Variants in RNF17 observed in about 807,000 individuals in gnomAD.
RNF17 encodes spermatogenesis associated 23.
In RNF17, 31 loss-of-function variants were observed where a neutral mutation model predicts 200.5. That is an observed-to-expected ratio of 0.15 (90% CI 0.12 to 0.21). The LOEUF (loss-of-function observed/expected upper bound fraction) is 0.21. Ranked by LOEUF, RNF17 falls within the 10% of genes least tolerant of loss-of-function variation. The probability of loss-of-function intolerance (pLI) is 1.00; values close to 1 mark genes in which losing one functional copy is unlikely to be tolerated. For missense variants in RNF17, 1,628 were observed against 1,905.1 expected (o/e 0.85, Z 2.71); for synonymous variants, 606 against 637.8 (o/e 0.95, Z 0.75).
chr13:24,884,730 C>A (rs1953962224), downstream of RNF17, among the ~76,000 whole-genome samples: 1 of 152,190 alleles, frequency 6.6e-6, no homozygotes, highest in African/African-American at 2.4e-5. Context: ...ACAGGAAAGT[C>A]TAACTACTGC....
rs192062400 is a variant in RNF17, at chr13:24,858,018, G to A, written c.3611-983G>A. The stretch of plus-strand genomic sequence containing the variant: ...ATTCAGGTCCCTCATGAGATCTTTA[G>A]GCTTATGTGCAAATGCTGCAAATGC... On this transcript the variant is annotated intron_variant, in intron 25 of 35. Coordinates refer to ENST00000255324, the MANE Select transcript of RNF17 (RefSeq NM_031277.3). Among the ~76,000 whole-genome samples the A allele has an allele frequency of 3.3e-5, 5 of 151,782 alleles. No homozygotes were observed. In the East Asian group the frequency reaches 9.6e-4, roughly 29 times the overall value.
At chr13:24,881,875 TATATAG>T (rs1291120571), downstream of RNF17, among the ~76,000 whole-genome samples, 1 of 130,396 alleles carries the variant, frequency 7.7e-6, no homozygotes, top group Non-Finnish European at 1.7e-5. Context: ...TAGATACATC[TATATAG>T]ATATATAGAT....
At chr13:24,799,692 C>T (rs1265734861) in intron 12 of RNF17, 108 bp downstream of exon 12, 1 of 672,224 alleles carries the variant, frequency 1.5e-6, no homozygotes, top group Non-Finnish European at 2.5e-6. Context: ...ATTTGTCATT[C>T]TTAACTTCCA....
At chr13:24,842,981 TGTC>T (rs1890818272) in intron 19 of RNF17, among the ~76,000 whole-genome samples, 1 of 150,006 alleles carries the variant, frequency 6.7e-6, no homozygotes, top group African/African-American at 2.5e-5. Context: ...AGCAAGACTC[TGTC>T]TAAAAAAAAA....
At chr13:24,886,139 C>T in the RNF17 span, 43 of 436,776 alleles carry the variant, frequency 9.8e-5, no homozygotes, top group Middle Eastern at 5.1e-4. Context: ...CACGCCCCCA[C>T]CAACAACAAA....
Position 24,853,948 on chromosome 13 carries a change from A to G in RNF17, c.3414A>G (p.Lys1138=). The G allele has an allele frequency of 6.2e-7, 1 of 1,614,080 alleles. No individual in the cohort carries two copies. The highest frequency in any genetic ancestry group is 8.5e-7 in the Non-Finnish European group (1 of 1,179,962). The change falls in exon 25 of 36, where the codon AAA becomes AAG. Residue 1138 remains lysine (K), a synonymous_variant. Transcript: ENST00000255324. The part of the protein sequence containing the change: ...QEDSVVTNCI[K]TNFDPDKKTA... ...ATTCAGTAGTTACTAACTGTATTAA[A>G]ACTAACTTTGACCCTGACAAGAAAA... is the stretch of plus-strand genomic sequence containing the variant.
intron 31 of RNF17, among the ~76,000 whole-genome samples, chr13:24,869,026 C>T (rs1034631623): frequency 6.6e-6 from 1 of 152,206 alleles, no homozygotes; most frequent in African/African-American, 2.4e-5. Flanking sequence ...GCTTCCCTTC[C>T]TCTTCCTGCA....
chr13:24,749,699 G>A, the RNF17 span, among the ~76,000 whole-genome samples: 2 of 152,142 alleles, frequency 1.3e-5, no homozygotes, highest in Non-Finnish European at 2.9e-5. Flanking sequence ...AAAAGGATGA[G>A]AAGAAATGCT....
At chr13:24,856,611 C>G (rs1176741818) in intron 25 of RNF17, among the ~76,000 whole-genome samples, 1 of 152,088 alleles carries the variant, frequency 6.6e-6, no homozygotes, top group Non-Finnish European at 1.5e-5. Flanking sequence ...CCTAGCTCAT[C>G]GGCTTATACT....
At position 24,832,996 on chromosome 13, in the gene RNF17, T is replaced by A. The variant is rs188792924; in HGVS notation, c.2482+1018T>A. 5.3e-5 allele frequency among the ~76,000 whole-genome samples: 8 copies of A among 152,302 alleles called. 1 individual carries two copies. Among genetic ancestry groups the A allele is most frequent in the Admixed American group, 5.2e-4 (8 of 15,298 alleles). ...CTTGGGCTCAAGCGATCCTCCCTCC[T>A]CGGCCTCCCAAAGTTCTGGGATTAC... is the stretch of plus-strand genomic sequence containing the variant. On this transcript the variant is annotated intron_variant, in intron 18 of 35. Coordinates refer to ENST00000255324, the MANE Select transcript of RNF17 (RefSeq NM_031277.3).
chr13:24,885,159 A>T, the RNF17 span: 48 of 711,200 alleles, frequency 6.7e-5, no homozygotes, highest in East Asian at 1.2e-3. Context: ...CTGAACGAGA[A>T]ATGGCAACTA....
chr13:24,749,307 C>CTTTCTTTTTTTTTTTTTTTTTT, the RNF17 span, among the ~76,000 whole-genome samples: 1 of 108,032 alleles, frequency 9.3e-6, no homozygotes, highest in African/African-American at 3.5e-5. Context: ...TTCTTTCTTT[C>CTTTCTTTTTTTTTTTTTTTTTT]TTTTTTTTTT....
chr13:24,799,602 AT>A lies in RNF17; in HGVS notation c.1589+19del, dbSNP rs749825593. On this transcript the variant is annotated intron_variant, in intron 12 of 35. Coordinates refer to ENST00000255324, the MANE Select transcript of RNF17 (RefSeq NM_031277.3). ...GTCACTGGGTATGATATTTTATAATATGTATCCTTGGCCTGCTTAGAAACAT... is the reference window on the plus strand; with the variant it reads ...GTCACTGGGTATGATATTTTATAATAGTATCCTTGGCCTGCTTAGAAACAT... 6.6e-7 allele frequency: 1 copy of A among 1,515,900 alleles called. No homozygotes were observed. Among genetic ancestry groups the A allele is most frequent in the Admixed American group, 1.8e-5 (1 of 55,316 alleles). 93.9% of individuals were successfully genotyped at this position (1,515,900 alleles called of 1,614,324 possible).
chr13:24,873,502 TATC>T (rs1894519903), intron 32 of RNF17, among the ~76,000 whole-genome samples: 1 of 152,218 alleles, frequency 6.6e-6, no homozygotes, highest in South Asian at 2.1e-4. Context: ...AATGTGTAAT[TATC>T]AAGACAGTAT....
chr13:24,805,216 CATAAT>C (rs1278626380), intron 15 of RNF17, among the ~76,000 whole-genome samples: 10 of 152,232 alleles, frequency 6.6e-5, no homozygotes, highest in East Asian at 1.9e-4. Flanking sequence ...GTAAAATATA[CATAAT>C]ATAATTTTAT....
chr13:24,827,827 C>T (rs1349666405), intron 16 of RNF17, among the ~76,000 whole-genome samples: 1 of 151,542 alleles, frequency 6.6e-6, no homozygotes, highest in Non-Finnish European at 1.5e-5. Context: ...AAGATGGTGC[C>T]TTGTTGCTGC....
At position 24,764,227 on chromosome 13, in the gene RNF17, T is replaced by A; in HGVS notation, c.24T>A (p.Thr8=). The change falls in exon 1 of 36, where the codon ACT becomes ACA. Residue 8 remains threonine (T), a synonymous_variant. Transcript: ENST00000255324. ...CGATGGCGGCAGAGGCTTCGAAGAC[T>A]GGGCCTTCTAGGTCTTCCTACCAGC... MAAEASK[T]GPSRSSYQRM... The A allele has an allele frequency of 1.9e-6, 3 of 1,603,756 alleles. No individual in the cohort carries two copies. The highest frequency in any genetic ancestry group is 2.6e-6 in the Non-Finnish European group (3 of 1,171,924).
At chr13:24,749,307 CTTTTTT>C in the RNF17 span, among the ~76,000 whole-genome samples, 1 of 108,032 alleles carries the variant, frequency 9.3e-6, no homozygotes, top group African/African-American at 3.5e-5. Context: ...TTCTTTCTTT[CTTTTTT>C]TTTTTTTTTG....
At chr13:24,853,646 A>G (rs374310386) in intron 24 of RNF17, among the ~76,000 whole-genome samples, 9 of 152,204 alleles carry the variant, frequency 5.9e-5, no homozygotes, top group South Asian at 4.1e-4. Context: ...TAGAAATTTA[A>G]AACATTTACT....
Sources: gnomAD v4.1 joint callset for allele counts (sites outside exome capture counted in the v4.1 genomes callset) on GRCh38, gnomAD v4.1.1 for gene constraint, MANE v1.5 for transcripts, NCBI Gene and HGNC (gene_info 2026-07-23, HGNC 2026-07-21) for gene names.